RIC8B: variants seen among roughly 807,000 people sequenced by gnomAD.
The protein encoded by RIC8B is RIC8 guanine nucleotide exchange factor B.
A neutral mutation model predicts 57.5 loss-of-function variants in RIC8B; 16 were observed. That is an observed-to-expected ratio of 0.28 (90% CI 0.19 to 0.42). The LOEUF (loss-of-function observed/expected upper bound fraction) is 0.42, where lower values mean the gene tolerates loss of function less well. RIC8B is among the 10% of genes least tolerant of loss of function. The pLI is 1.00. For synonymous variants in RIC8B, 216 were observed against 250.8 expected (o/e 0.86, Z 1.31); for missense variants, 481 against 677.0 (o/e 0.71, Z 3.21).
intron 8 of RIC8B, among the ~76,000 whole-genome samples, chr12:106,868,848 CTT>C (rs572218268): frequency 4.7e-5 from 4 of 85,538 alleles, no homozygotes; most frequent in African/African-American, 1.8e-4. Flanking sequence ...GAGGCCCAAG[CTT>C]TTTTTTTTTT....
intron 9 of RIC8B, among the ~76,000 whole-genome samples, chr12:106,878,519 C>G (rs903684920): frequency 3.9e-5 from 6 of 152,104 alleles, no homozygotes; most frequent in Non-Finnish European, 8.8e-5. Context: ...TTGAAAAGCT[C>G]TATGTTAATT....
At chr12:106,870,676 A>T in intron 8 of RIC8B, 147 bp from the exon 9 acceptor site, 1 of 461,984 alleles carries the variant, frequency 2.2e-6, no homozygotes, top group East Asian at 3.6e-5. Flanking sequence ...AAAAATTCCT[A>T]TATCAGTTCT....
intron 5 of RIC8B, 114 bp downstream of exon 5, chr12:106,842,931 CTGAT>C: frequency 1.6e-6 from 1 of 614,222 alleles, no homozygotes; most frequent in East Asian, 2.7e-5. Context: ...TTTTTTCTGA[CTGAT>C]GTGCTGCATA....
chr12:106,858,857 G>A (rs2136509392), intron 7 of RIC8B, among the ~76,000 whole-genome samples: 1 of 152,014 alleles, frequency 6.6e-6, no homozygotes. Context: ...TCTAGTTCAG[G>A]TATTTGAAAA....
At chr12:106,795,030 T>C (rs1221599897) in intron 2 of RIC8B, among the ~76,000 whole-genome samples, 1 of 152,158 alleles carries the variant, frequency 6.6e-6, no homozygotes, top group East Asian at 1.9e-4. Flanking sequence ...CAAAGCTGTA[T>C]TGAACTAAGG....
Position 106,833,779 on chromosome 12 carries a change from G to A in RIC8B, c.836+7959G>A, listed in dbSNP as rs527585266. 2.0e-5 allele frequency among the ~76,000 whole-genome samples: 3 copies of A among 152,198 alleles called. No individual in the cohort carries two copies. In the South Asian group the frequency reaches 6.2e-4, roughly 32 times the overall value. ...TCCCCACCAAATCTCATGTTGAAAG[G>A]TGACCTCCAATGTTGGAGGTGGGCC... is the stretch of plus-strand genomic sequence containing the variant. On this transcript the variant is annotated intron_variant, in intron 4 of 9. Coordinates refer to ENST00000392837, the MANE Select transcript of RIC8B (RefSeq NM_001330145.2).
chr12:106,803,214 TCAAA>T (rs1324850598), intron 2 of RIC8B, among the ~76,000 whole-genome samples: 1 of 84,276 alleles, frequency 1.2e-5, no homozygotes, highest in South Asian at 4.4e-4. Context: ...ATACCCTGTC[TCAAA>T]AAAAAAAAAA....
chr12:106,826,919 C>T (rs1269966769), intron 4 of RIC8B, among the ~76,000 whole-genome samples: 1 of 151,838 alleles, frequency 6.6e-6, no homozygotes, highest in African/African-American at 2.4e-5. Flanking sequence ...ACTAAAAATA[C>T]AAAAATTAGC....
At chr12:106,857,593 T>G (rs1386539974) in intron 7 of RIC8B, among the ~76,000 whole-genome samples, 1 of 152,238 alleles carries the variant, frequency 6.6e-6, no homozygotes, top group Non-Finnish European at 1.5e-5. Context: ...TTCATATAAC[T>G]GCATGGATAA....
intron 2 of RIC8B, among the ~76,000 whole-genome samples, chr12:106,806,957 T>C (rs2045065861): frequency 1.3e-5 from 2 of 152,234 alleles, no homozygotes. Flanking sequence ...ACAAACTTAA[T>C]GTGACCTTAC....
At position 106,815,124 on chromosome 12, in the gene RIC8B, G is replaced by A; in HGVS notation, c.561G>A (p.Gln187=). 3 of 1,614,236 alleles carry A rather than the reference G, an allele frequency of 1.9e-6. No individual in the cohort carries two copies. Among genetic ancestry groups the A allele is most frequent in the Non-Finnish European group, 2.5e-6 (3 of 1,180,040 alleles). The part of the protein sequence containing the change: ...DIRSQLRYEL[Q]GLPLLTQILE... Reference sequence around the variant, plus strand: ...GGTCACAATTGCGCTATGAGCTCCAGGGACTACCGCTGCTAACGCAGATCT... The same window carrying A: ...GGTCACAATTGCGCTATGAGCTCCAAGGACTACCGCTGCTAACGCAGATCT... The change falls in exon 3 of 10, where the codon CAG becomes CAA. Residue 187 remains glutamine (Q), a synonymous_variant. Coordinates refer to ENST00000392837, the MANE Select transcript of RIC8B (RefSeq NM_001330145.2).
intron 2 of RIC8B, among the ~76,000 whole-genome samples, chr12:106,810,915 T>TA (rs765412279): frequency 3.9e-5 from 6 of 152,158 alleles, no homozygotes; most frequent in Non-Finnish European, 7.4e-5. Flanking sequence ...CAGAGACAAG[T>TA]AACTTGCCAA....
At chr12:106,848,142 G>A (rs940039515) in intron 6 of RIC8B, among the ~76,000 whole-genome samples, 1 of 152,192 alleles carries the variant, frequency 6.6e-6, no homozygotes, top group South Asian at 2.1e-4. Flanking sequence ...GCAAACATCT[G>A]AAGAAAGTAA....
At chr12:106,780,351 ATAGG>A (rs1566025773) in intron 1 of RIC8B, among the ~76,000 whole-genome samples, 1 of 152,202 alleles carries the variant, frequency 6.6e-6, no homozygotes, top group East Asian at 1.9e-4. Context: ...ATACAGACAG[ATAGG>A]TAGGTCTCTA....
intron 2 of RIC8B, among the ~76,000 whole-genome samples, chr12:106,806,658 C>T (rs1324655922): frequency 1.3e-5 from 2 of 151,952 alleles, no homozygotes; most frequent in Non-Finnish European, 2.9e-5. Context: ...GGTGAAACCC[C>T]GTCTCTACTA....
intron 3 of RIC8B, among the ~76,000 whole-genome samples, chr12:106,820,031 C>T (rs1199064249): frequency 3.3e-5 from 5 of 152,118 alleles, no homozygotes; most frequent in African/African-American, 1.2e-4. Context: ...AATTTACCTT[C>T]AGAAAAATAT....
rs907216447 is a variant in RIC8B, at chr12:106,810,391, T to TA, written c.133-4299dup. Reference sequence around the variant, plus strand: ...AAGCCACTACAATACGTTTTCTTCGTAAAAAAGATGTCCCTTCCGCCTTCA... The same window carrying TA: ...AAGCCACTACAATACGTTTTCTTCGTAAAAAAAGATGTCCCTTCCGCCTTCA... On this transcript the variant is annotated intron_variant, in intron 2 of 9. Transcript: ENST00000392837. Among the ~76,000 whole-genome samples the TA allele has an allele frequency of 1.8e-4, 28 of 152,056 alleles. 1 individual carries two copies. Among genetic ancestry groups the TA allele is most frequent in the African/African-American group, 7.2e-5 (3 of 41,410 alleles).
At chr12:106,837,159 C>T (rs573567545) in intron 4 of RIC8B, among the ~76,000 whole-genome samples, 2 of 152,250 alleles carry the variant, frequency 1.3e-5, no homozygotes, top group African/African-American at 4.8e-5. Flanking sequence ...GTCAGGAGTT[C>T]GAGACCAGCC....
At position 106,867,153 on chromosome 12, in the gene RIC8B, GAAGA is replaced by G. The variant is rs1442163474; in HGVS notation, c.1452-3665_1452-3662del. On this transcript the variant is annotated intron_variant, in intron 8 of 9. Transcript: ENST00000392837. This position sits in a 1 kb window ranked among gnomAD's most constrained non-coding sequence, Gnocchi z 4.3. ...TGTTGGCCAAAGGTAGCAAAAATTT[GAAGA>G]AAGAGCAAAAGACTTGAAATACAGT... is the stretch of plus-strand genomic sequence containing the variant. Among the ~76,000 whole-genome samples, 10 of 152,302 alleles carry G rather than the reference GAAGA, an allele frequency of 6.6e-5. No individual in the cohort carries two copies. The highest frequency in any genetic ancestry group is 2.1e-4 in the South Asian group (1 of 4,830).
Sources: gnomAD v4.1 joint callset for allele counts (sites outside exome capture counted in the v4.1 genomes callset) on GRCh38, gnomAD v4.1.1 for gene constraint, Gnocchi (gnomAD v3.1) non-coding constraint, MANE v1.5 for transcripts, NCBI Gene and HGNC (gene_info 2026-07-23, HGNC 2026-07-21) for gene names.